RERE: variants seen among roughly 807,000 people sequenced by gnomAD.
RERE encodes the protein arginine-glutamic acid dipeptide repeats, also known as arginine-glutamic acid dipeptide repeats protein.
In RERE, 40 loss-of-function variants were observed where a neutral mutation model predicts 146.1. That is an observed-to-expected ratio of 0.27 (90% confidence interval 0.21 to 0.36). The LOEUF (loss-of-function observed/expected upper bound fraction) is 0.36, where lower values mean the gene tolerates loss of function less well. Among genes scored for constraint, RERE ranks in the 10% least tolerant of loss-of-function variants. The pLI is 1.00. For missense variants in RERE, 1,933 were observed against 2,138.7 expected, an observed-to-expected ratio of 0.90 and a Z score of 1.90; for synonymous variants, 1,003 against 866.0, an observed-to-expected ratio of 1.16 and a Z score of -2.78.
intron 12 of RERE, among the ~76,000 whole-genome samples, chr1:8,416,623 G>C (rs1327798917): frequency 1.4e-5 from 2 of 145,730 alleles, no homozygotes; most frequent in South Asian, 2.2e-4. Context: ...GAAAAGAAAA[G>C]AAATCCTATT....
At chr1:8,534,717 C>T (rs1645702679) in intron 7 of RERE, among the ~76,000 whole-genome samples, 3 of 152,150 alleles carry the variant, frequency 2.0e-5, no homozygotes, top group Admixed American at 1.3e-4. Flanking sequence ...ATGAGATCTA[C>T]ACAGTCACAA....
chr1:8,576,960 G>A (rs1646302079), intron 4 of RERE, among the ~76,000 whole-genome samples: 1 of 152,172 alleles, frequency 6.6e-6, no homozygotes, highest in Non-Finnish European at 1.5e-5. Context: ...ACAAGGTCAG[G>A]AGATGGAGAC....
intron 6 of RERE, among the ~76,000 whole-genome samples, chr1:8,549,168 T>G (rs1645903252): frequency 6.6e-6 from 1 of 152,142 alleles, no homozygotes; most frequent in African/African-American, 2.4e-5. Flanking sequence ...TACCCAGATC[T>G]TGGTTTCTAA....
chr1:8,444,616 C>T (rs975065830), intron 11 of RERE, among the ~76,000 whole-genome samples: 4 of 152,128 alleles, frequency 2.6e-5, no homozygotes, highest in Non-Finnish European at 2.9e-5. Context: ...TCCCCAATGT[C>T]GGAGATGGGG....
intron 4 of RERE, among the ~76,000 whole-genome samples, chr1:8,569,933 C>T (rs540540223): frequency 1.3e-5 from 2 of 152,156 alleles, no homozygotes; most frequent in East Asian, 1.9e-4. Context: ...ACACTTTTTA[C>T]AGAAGGACCT....
At chr1:8,489,802 G>A (rs1170710260) in intron 10 of RERE, among the ~76,000 whole-genome samples, 1 of 152,136 alleles carries the variant, frequency 6.6e-6, no homozygotes, top group African/African-American at 2.4e-5. Flanking sequence ...TGTAATCTCA[G>A]CACTTCGGGA....
rs1388296650 is a variant in RERE at position 8,401,021 on chromosome 1, A to T, written c.1284+21706T>A. ...TGACACAGTGAGACTCTGTCTCAAA[A>T]AAAAAAAAAAAAAAACCATATATAT... On this transcript the variant is annotated intron_variant, in intron 12 of 22. Transcript: ENST00000400908. Among the ~76,000 whole-genome samples, 2 of 44,300 alleles carry T rather than the reference A, an allele frequency of 4.5e-5. 1 individual carries two copies. The highest frequency in any genetic ancestry group is 1.0e-4 in the Non-Finnish European group (2 of 19,196). The allele number at this position is 44,300 out of a possible 152,430, so 29.1% of individuals were successfully genotyped here.
At position 8,708,905 on chromosome 1, in the gene RERE, G is replaced by GTTTTTTTT. The variant is rs35403792; in HGVS notation, c.-144-52472_-144-52465dup. Among the ~76,000 whole-genome samples, 14 of 72,326 alleles carry GTTTTTTTT rather than the reference G, an allele frequency of 1.9e-4. 1 individual carries two copies. The highest frequency in any genetic ancestry group is 4.8e-4 in the African/African-American group (8 of 16,596). 47.4% of individuals were successfully genotyped at this position (72,326 alleles called of 152,430 possible). On this transcript the variant is annotated intron_variant, in intron 1 of 22. Coordinates refer to ENST00000400908, the MANE Select transcript of RERE (RefSeq NM_001042681.2). ...GTCACTAGACAACAAAAACTCTGGA[G>GTTTTTTTT]TTTTTTTTTTTTTTTTTTTTTTTTT... is the stretch of plus-strand genomic sequence containing the variant.
chr1:8,479,836 A>C (rs1261127133), intron 10 of RERE, among the ~76,000 whole-genome samples: 3 of 152,174 alleles, frequency 2.0e-5, no homozygotes, highest in Non-Finnish European at 4.4e-5. Flanking sequence ...AAATACACTA[A>C]CCTTCAAAAA....
intron 4 of RERE, among the ~76,000 whole-genome samples, chr1:8,601,208 G>T (rs970060682): frequency 4.0e-5 from 6 of 151,614 alleles, no homozygotes; most frequent in Non-Finnish European, 8.8e-5. Flanking sequence ...AGTAGAGATG[G>T]GGTTTCACCA....
intron 1 of RERE, among the ~76,000 whole-genome samples, chr1:8,724,569 G>A (rs1205265091): frequency 2.0e-5 from 3 of 152,138 alleles, no homozygotes; most frequent in Admixed American, 6.6e-5. Flanking sequence ...CCTTCTGGCC[G>A]GGCGCGGTGG....
chr1:8,689,481 T>C lies in RERE; in HGVS notation c.-144-33040A>G, dbSNP rs568498081. ...TGAAAGGATACAATATCACAAGTAC[T>C]AATTCAGGTAATATCACATTTCTTA... On this transcript the variant is annotated intron_variant, in intron 1 of 22. Transcript: ENST00000400908. 2.6e-5 allele frequency among the ~76,000 whole-genome samples: 4 copies of C among 152,340 alleles called. No homozygotes were observed. In the South Asian group the frequency reaches 8.3e-4, roughly 32 times the overall value.
intron 7 of RERE, among the ~76,000 whole-genome samples, chr1:8,538,356 C>T (rs1292817364): frequency 6.6e-6 from 1 of 152,182 alleles, no homozygotes. Flanking sequence ...CAGCCTCCTC[C>T]CTCACAAACG....
intron 7 of RERE, 109 bp from the exon 8 acceptor site, chr1:8,508,784 G>A: frequency 2.3e-6 from 2 of 880,564 alleles, no homozygotes; most frequent in Non-Finnish European, 1.8e-6. Context: ...GAAAAACTGA[G>A]GAAGAATTAA....
At chr1:8,439,615 AAGG>A (rs898201189) in intron 11 of RERE, among the ~76,000 whole-genome samples, 2 of 152,240 alleles carry the variant, frequency 1.3e-5, no homozygotes, top group African/African-American at 4.8e-5. Context: ...CTCAGATGGA[AAGG>A]AGGAGCAAGA....
At chr1:8,442,317 C>T (rs1472462166) in intron 11 of RERE, among the ~76,000 whole-genome samples, 1 of 149,344 alleles carries the variant, frequency 6.7e-6, no homozygotes, top group African/African-American at 2.5e-5. Context: ...GGGAAGCAGA[C>T]GTTGCACAGT....
At chr1:8,778,164 A>ATTATCTAT (rs1641102978) in intron 1 of RERE, among the ~76,000 whole-genome samples, 1 of 152,210 alleles carries the variant, frequency 6.6e-6, no homozygotes, top group African/African-American at 2.4e-5. Context: ...TTTATCTATT[A>ATTATCTAT]GACAGTGAGT....
intron 1 of RERE, among the ~76,000 whole-genome samples, chr1:8,668,508 A>T (rs1638629083): frequency 6.6e-6 from 1 of 152,228 alleles, no homozygotes; most frequent in African/African-American, 2.4e-5. Flanking sequence ...AAGAATCCCT[A>T]AACTCACTTT....
At chr1:8,647,637 A>ATGTG (rs1484554374) in intron 2 of RERE, among the ~76,000 whole-genome samples, 230 of 59,358 alleles carry the variant, frequency 3.9e-3, no homozygotes, top group African/African-American at 0.013. Context: ...TATTTAAAAT[A>ATGTG]TGTATGTGTG....
Sources: allele counts gnomAD v4.1 joint callset (sites outside exome capture counted in the v4.1 genomes callset), GRCh38; gene constraint gnomAD v4.1.1; transcripts MANE v1.5; gene names NCBI Gene and HGNC (gene_info 2026-07-23, HGNC 2026-07-21).